The following HK1 variants were observed in gnomAD, a reference collection of about 807,000 sequenced individuals.
The protein encoded by HK1 is hexokinase-1.
A neutral mutation model predicts 91.6 loss-of-function variants in HK1; 28 were observed. The observed-to-expected ratio is 0.31, with a 90% confidence interval of 0.23 to 0.42. HK1 has a LOEUF of 0.42. Ranked by LOEUF, HK1 falls within the 10% of genes least tolerant of loss-of-function variation. The pLI is 1.00. For synonymous variants in HK1, 430 were observed against 468.1 expected, an observed-to-expected ratio of 0.92 and a Z score of 1.05; for missense variants, 770 against 1,219.8, an observed-to-expected ratio of 0.63 and a Z score of 5.49.
chr10:69,290,627 T>C (rs969591097), intron 3 of HK1, among the ~76,000 whole-genome samples: 3 of 152,190 alleles, frequency 2.0e-5, no homozygotes, highest in Non-Finnish European at 4.4e-5. Flanking sequence ...GCCTCCCCAG[T>C]AGCCGGGATT....
At chr10:69,344,412 A>G (rs1371689147) in intron 2 of HK1, among the ~76,000 whole-genome samples, 1 of 151,916 alleles carries the variant, frequency 6.6e-6, no homozygotes, top group Non-Finnish European at 1.5e-5. Flanking sequence ...CCATCAGGGA[A>G]TCAAAGCTTC....
In HK1 at chr10:69,369,393, G is replaced by C; in HGVS notation, c.692-48G>C. 6.2e-7 allele frequency: 1 copy of C among 1,613,718 alleles called. No individual in the cohort carries two copies. Among genetic ancestry groups the C allele is most frequent in the South Asian group, 1.1e-5 (1 of 91,068 alleles). Reference sequence around the variant, plus strand: ...TCGGCCCATCTTTCCAGGTGGCTCTGCACCCTCCCCGTTGTGTGGTCATAG... The same window carrying C: ...TCGGCCCATCTTTCCAGGTGGCTCTCCACCCTCCCCGTTGTGTGGTCATAG... On this transcript the variant is annotated intron_variant, in intron 6 of 17. Transcript: ENST00000359426. The surrounding 1 kb of genome is among the most constrained non-coding windows in gnomAD (Gnocchi z 4.4).
At chr10:69,374,107 G>A (rs1390134236) in intron 7 of HK1, among the ~76,000 whole-genome samples, 4 of 152,180 alleles carry the variant, frequency 2.6e-5, no homozygotes, top group African/African-American at 9.7e-5. Flanking sequence ...GTAACTGTGC[G>A]CCTTCAAGTC....
At chr10:69,384,520 A>G (rs377533672) in intron 11 of HK1, 39 bp downstream of exon 11, 12 of 1,612,364 alleles carry the variant, frequency 7.4e-6, no homozygotes, top group Non-Finnish European at 9.3e-6. Flanking sequence ...CACTGCACAC[A>G]CGGCCAGTGG....
intron 2 of HK1, among the ~76,000 whole-genome samples, chr10:69,283,749 G>A (rs1318247151): frequency 1.6e-5 from 2 of 127,036 alleles, no homozygotes; most frequent in Admixed American, 1.9e-4. Context: ...AGCCAAGTTC[G>A]CACCACCGCA....
chr10:69,299,863 T>C (rs1000183541), intron 4 of HK1, among the ~76,000 whole-genome samples: 1 of 151,486 alleles, frequency 6.6e-6, no homozygotes, highest in Non-Finnish European at 1.5e-5. Flanking sequence ...GGTTTTACCA[T>C]GTTGGCCAGG....
intron 2 of HK1, among the ~76,000 whole-genome samples, chr10:69,359,431 T>G (rs1849306165): frequency 6.6e-6 from 1 of 152,030 alleles, no homozygotes; most frequent in Non-Finnish European, 1.5e-5. Context: ...CCCTGAGGAG[T>G]AAGCAGAACC....
intron 5 of HK1, among the ~76,000 whole-genome samples, chr10:69,306,022 C>G (rs1846085340): frequency 6.6e-6 from 1 of 152,076 alleles, no homozygotes; most frequent in South Asian, 2.1e-4. Flanking sequence ...CTGTGACCCA[C>G]ACTTTTTCCA....
chr10:69,325,310 C>A (rs1847276434), intron 1 of HK1, among the ~76,000 whole-genome samples: 1 of 151,328 alleles, frequency 6.6e-6, no homozygotes, highest in African/African-American at 2.4e-5. Flanking sequence ...CTCGACCTCC[C>A]AAAGTGCTGG....
intron 2 of HK1, among the ~76,000 whole-genome samples, chr10:69,347,765 A>G (rs1848644146): frequency 6.6e-6 from 1 of 152,152 alleles, no homozygotes; most frequent in South Asian, 2.1e-4. Flanking sequence ...AGGTCCATTC[A>G]GGTGTGGTCA....
chr10:69,292,375 G>A (rs1257008990), intron 3 of HK1: 1 of 445,212 alleles, frequency 2.2e-6, no homozygotes, highest in Non-Finnish European at 4.5e-6. Context: ...ACCCAGCTTA[G>A]GACCTTGATT....
intron 5 of HK1, among the ~76,000 whole-genome samples, chr10:69,306,336 C>T (rs528908797): frequency 1.4e-5 from 2 of 147,058 alleles, no homozygotes; most frequent in African/African-American, 5.0e-5. Flanking sequence ...GCAGCCCGGG[C>T]GACAGAGTGA....
intron 4 of HK1, among the ~76,000 whole-genome samples, chr10:69,299,334 T>A (rs1397896190): frequency 6.7e-6 from 1 of 149,772 alleles, no homozygotes; most frequent in African/African-American, 2.5e-5. Flanking sequence ...AGCCTGCCCA[T>A]TTTTTTGTTT....
At chr10:69,281,799 G>T (rs1467836269) in intron 1 of HK1, among the ~76,000 whole-genome samples, 1 of 152,134 alleles carries the variant, frequency 6.6e-6, no homozygotes, top group African/African-American at 2.4e-5. Context: ...TGTCCCCAAA[G>T]AATAAAGGAA....
At chr10:69,294,165 AC>A (rs1168126649) in intron 3 of HK1, among the ~76,000 whole-genome samples, 3 of 151,892 alleles carry the variant, frequency 2.0e-5, no homozygotes, top group Non-Finnish European at 4.4e-5. Context: ...CCGGCCCTGC[AC>A]AAGCATATTT....
upstream of HK1, among the ~76,000 whole-genome samples, chr10:69,317,046 T>C (rs1342362279): frequency 6.6e-6 from 1 of 152,212 alleles, no homozygotes; most frequent in Non-Finnish European, 1.5e-5. Context: ...TTGTTGGGCT[T>C]GAAAATTAAA....
In HK1 at chr10:69,380,337, T is replaced by C. The variant is rs1839327771; in HGVS notation, c.1265+242T>C. ...TTACGAAAAATTGAAAATAAATAAA[T>C]AGATAAATAACATGCTTAGTTCTGG... On this transcript the variant is annotated intron_variant, in intron 9 of 17. Transcript: ENST00000359426. The surrounding 1 kb of genome is among the most constrained non-coding windows in gnomAD (Gnocchi z 4.0). 6.6e-6 allele frequency among the ~76,000 whole-genome samples: 1 copy of C among 151,986 alleles called. No homozygotes were observed. The highest frequency in any genetic ancestry group is 2.4e-5 in the African/African-American group (1 of 41,370).
At chr10:69,325,275 TCTC>T (rs1361120058) in intron 1 of HK1, among the ~76,000 whole-genome samples, 3 of 151,690 alleles carry the variant, frequency 2.0e-5, no homozygotes, top group Admixed American at 1.3e-4. Flanking sequence ...ATGGTCTCGA[TCTC>T]CTGATCTTGT....
chr10:69,274,294 T>A (rs972750094), intron 1 of HK1, among the ~76,000 whole-genome samples: 1 of 152,050 alleles, frequency 6.6e-6, no homozygotes, highest in Non-Finnish European at 1.5e-5. Context: ...ATTTTTCAAA[T>A]TTTAATTTAA....
Sources: allele counts gnomAD v4.1 joint callset (sites outside exome capture counted in the v4.1 genomes callset), GRCh38; gene constraint gnomAD v4.1.1; non-coding constraint Gnocchi (gnomAD v3.1); transcripts MANE v1.5; gene names NCBI Gene and HGNC (gene_info 2026-07-23, HGNC 2026-07-21).